MTREX: variants seen among roughly 807,000 people sequenced by gnomAD.
MTREX encodes exosome RNA helicase MTR4.
In MTREX, 76 loss-of-function variants were observed where a neutral mutation model predicts 135.4. That is an observed-to-expected ratio of 0.56 (90% CI 0.47 to 0.68). The LOEUF (loss-of-function observed/expected upper bound fraction) is 0.68. Ranked by LOEUF, MTREX falls within the 30% of genes least tolerant of loss-of-function variation. The probability of loss-of-function intolerance (pLI) is 0.00; values close to 1 mark genes in which losing one functional copy is unlikely to be tolerated. For synonymous variants in MTREX, 404 were observed against 401.6 expected, an observed-to-expected ratio of 1.01 and a Z score of -0.07; for missense variants, 920 against 1,262.1, an observed-to-expected ratio of 0.73 and a Z score of 4.11.
chr5:55,337,110 G>C lies in MTREX; in HGVS notation c.516-2900G>C, dbSNP rs143686400. Among the ~76,000 whole-genome samples the C allele has an allele frequency of 5.3e-4, 80 of 152,012 alleles. No individual in the cohort carries two copies. The East Asian group carries it at 0.014, about 26-fold the overall frequency. On this transcript the variant is annotated intron_variant, in intron 5 of 26. Coordinates refer to ENST00000230640, the MANE Select transcript of MTREX (RefSeq NM_015360.5). ...TTTAAAGCCAATTTTGGTAAACCGTGTCTATCTAGAAATTTCTTTTTTTCT... is the reference window on the plus strand; with the variant it reads ...TTTAAAGCCAATTTTGGTAAACCGTCTCTATCTAGAAATTTCTTTTTTTCT...
At chr5:55,419,707 CAAGT>C (rs1233756733) in intron 25 of MTREX, among the ~76,000 whole-genome samples, 2 of 152,174 alleles carry the variant, frequency 1.3e-5, no homozygotes, top group African/African-American at 4.8e-5. Flanking sequence ...TTCCACTGAG[CAAGT>C]GTCATTAGGA....
At position 55,310,178 on chromosome 5, in the gene MTREX, T is replaced by A. The variant is rs555860098; in HGVS notation, c.134+2031T>A. ...AGCCTTCCAAAGTGAAAAGAGGAAA[T>A]AAAAATCTAATTTACATTTCATTAT... On this transcript the variant is annotated intron_variant, in intron 1 of 26. Transcript: ENST00000230640. Among the ~76,000 whole-genome samples the A allele has an allele frequency of 6.6e-5, 10 of 152,144 alleles. No homozygotes were observed. The South Asian group carries it at 1.9e-3, about 28-fold the overall frequency.
At chr5:55,424,694 T>C (rs1751121132) in intron 26 of MTREX, 26 bp from the exon 27 acceptor site, 2 of 1,583,206 alleles carry the variant, frequency 1.3e-6, no homozygotes, top group Admixed American at 1.7e-5. Context: ...TCTTGAAAGT[T>C]TAAACCTTAC....
intron 18 of MTREX, among the ~76,000 whole-genome samples, chr5:55,384,908 T>A (rs1159586191): frequency 6.6e-6 from 1 of 152,196 alleles, no homozygotes; most frequent in Non-Finnish European, 1.5e-5. Context: ...CTATCATTTT[T>A]AAAACCAGGT....
intron 4 of MTREX, among the ~76,000 whole-genome samples, chr5:55,328,181 G>A (rs1749413872): frequency 6.6e-6 from 1 of 152,028 alleles, no homozygotes; most frequent in Non-Finnish European, 1.5e-5. Context: ...AATTTTTAAG[G>A]TTTAATTTTC....
At chr5:55,424,526 G>GGTCT (rs1486313180) in intron 26 of MTREX, 194 bp from the exon 27 acceptor site, 2 of 540,230 alleles carry the variant, frequency 3.7e-6, no homozygotes, top group African/African-American at 3.8e-5. Context: ...AAAGAACAGG[G>GGTCT]GTCTGGCTTG....
At chr5:55,327,456 G>GT in intron 3 of MTREX, 1 of 346,464 alleles carries the variant, frequency 2.9e-6, no homozygotes, top group Non-Finnish European at 5.3e-6. Flanking sequence ...AAAGTACACA[G>GT]TTTCCTCAGG....
Position 55,425,439 on chromosome 5 carries a change from T to C in MTREX, c.*667T>C. On this transcript the variant is annotated 3_prime_UTR_variant, in exon 27 of 27. Transcript: ENST00000230640. ...GATAAATATAAACAAAAGGATATAC[T>C]TTGAGGTGTACAGATTAAGCATATA... is the stretch of plus-strand genomic sequence containing the variant. The C allele has an allele frequency of 9.2e-7, 1 of 1,087,600 alleles. No individual in the cohort carries two copies. Among genetic ancestry groups the C allele is most frequent in the Admixed American group, 2.8e-5 (1 of 36,360 alleles). 67.4% of individuals were successfully genotyped at this position (1,087,600 alleles called of 1,614,324 possible).
Position 55,344,745 on chromosome 5 carries a change from TAATC to T in MTREX, c.1005+130_1005+133del, listed in dbSNP as rs978841727. The T allele has an allele frequency of 4.6e-5, 28 of 607,624 alleles. No homozygotes were observed. The East Asian group carries it at 5.5e-4, about 12-fold the overall frequency. 37.6% of individuals were successfully genotyped at this position (607,624 alleles called of 1,614,324 possible). Reference sequence around the variant, plus strand: ...AAGATACATTTGTTTGTCTTAGTTTTAATCAATCGATCTTGATTTTTTTGTGTGT... The same window carrying T: ...AAGATACATTTGTTTGTCTTAGTTTTAATCGATCTTGATTTTTTTGTGTGT... On this transcript the variant is annotated intron_variant, in intron 9 of 26. Transcript: ENST00000230640.
intron 21 of MTREX, among the ~76,000 whole-genome samples, chr5:55,402,550 A>C (rs1226455513): frequency 6.6e-6 from 1 of 152,214 alleles, no homozygotes; most frequent in East Asian, 1.9e-4. Flanking sequence ...GGCTAAATAA[A>C]GTTGTTATGG....
At chr5:55,362,863 T>C (rs1460257671) in intron 15 of MTREX, among the ~76,000 whole-genome samples, 3 of 152,206 alleles carry the variant, frequency 2.0e-5, no homozygotes, top group Non-Finnish European at 4.4e-5. Context: ...CTAGAAGAAA[T>C]ACATGCTCCA....
intron 20 of MTREX, among the ~76,000 whole-genome samples, chr5:55,398,618 ATTAAC>A (rs1750679867): frequency 1.3e-5 from 2 of 152,372 alleles, no homozygotes; most frequent in African/African-American, 4.8e-5. Flanking sequence ...ATTAATCATT[ATTAAC>A]TTAGCATTAA....
chr5:55,309,490 A>C (rs1749068756), intron 1 of MTREX, among the ~76,000 whole-genome samples: 1 of 152,200 alleles, frequency 6.6e-6, no homozygotes, highest in African/African-American at 2.4e-5. Context: ...AGGAATGGAA[A>C]GGTACGAACA....
intron 7 of MTREX, among the ~76,000 whole-genome samples, chr5:55,342,921 A>G (rs1325803194): frequency 6.6e-6 from 1 of 152,204 alleles, no homozygotes; most frequent in Admixed American, 6.5e-5. Context: ...GAGGATCACA[A>G]GGATAATTTG....
intron 11 of MTREX, among the ~76,000 whole-genome samples, chr5:55,348,074 G>A (rs1479585702): frequency 3.9e-5 from 6 of 152,184 alleles, no homozygotes; most frequent in Non-Finnish European, 8.8e-5. Context: ...GGGACACAGA[G>A]CCAAACCATA....
Position 55,308,033 on chromosome 5 carries a change from A to T in MTREX, c.20A>T (p.Asp7Val). MADAFG[D>V]ELFSVFEGDS... ...CCAAAAATGGCGGACGCATTCGGAG[A>T]TGAGCTGTTCAGCGTGTTCGAGGGC... The change falls in exon 1 of 27, where the codon GAT (aspartate) becomes GTT (valine). Residue 7 changes from aspartate (D) to valine (V), a missense_variant. Transcript: ENST00000230640. 1 of 1,614,108 alleles carries T rather than the reference A, an allele frequency of 6.2e-7. No homozygotes were observed. Among genetic ancestry groups the T allele is most frequent in the Non-Finnish European group, 8.5e-7 (1 of 1,180,034 alleles).
chr5:55,378,981 T>C (rs1184997820), intron 17 of MTREX, 146 bp from the exon 18 acceptor site: 10 of 582,376 alleles, frequency 1.7e-5, no homozygotes, highest in Non-Finnish European at 2.4e-5. Flanking sequence ...TGATATCTTG[T>C]TTCTTAAATT....
chr5:55,378,902 T>C (rs1057159137), intron 17 of MTREX, among the ~76,000 whole-genome samples: 3 of 152,198 alleles, frequency 2.0e-5, no homozygotes, highest in Non-Finnish European at 2.9e-5. Context: ...AACTGAGAGA[T>C]TCCTGTTATT....
intron 24 of MTREX, 24 bp downstream of exon 24, chr5:55,414,262 T>TTTA: frequency 2.1e-6 from 3 of 1,431,908 alleles, no homozygotes; most frequent in Non-Finnish European, 1.9e-6. Flanking sequence ...TTTTTTTTTT[T>TTTA]GAACTACATA....
Sources: allele counts gnomAD v4.1 joint callset (sites outside exome capture counted in the v4.1 genomes callset), GRCh38; gene constraint gnomAD v4.1.1; transcripts MANE v1.5; gene names NCBI Gene and HGNC (gene_info 2026-07-23, HGNC 2026-07-21).